Variants in SHANK2 observed in about 807,000 individuals in gnomAD.
The protein encoded by SHANK2 is SH3 and multiple ankyrin repeat domains 2.
SHANK2 carries 43 observed loss-of-function variants against 133.7 expected under a neutral mutation model. The observed-to-expected ratio is 0.32, with a 90% CI of 0.25 to 0.41. SHANK2 has a LOEUF of 0.41. SHANK2 is among the 10% of genes least tolerant of loss of function. The probability of loss-of-function intolerance (pLI) is 1.00; values close to 1 mark genes in which losing one functional copy is unlikely to be tolerated. For missense variants in SHANK2, 1,994 were observed against 2,235.8 expected (o/e 0.89, Z 2.18); for synonymous variants, 1,017 against 952.8 (o/e 1.07, Z -1.24).
intron 2 of SHANK2, among the ~76,000 whole-genome samples, chr11:71,219,769 G>A (rs1321556593): frequency 6.6e-6 from 1 of 151,156 alleles, no homozygotes; most frequent in Non-Finnish European, 1.5e-5. Flanking sequence ...ATGGTGGTGG[G>A]TGCCTGTAAT....
chr11:70,934,855 A>C (rs934813970), intron 10 of SHANK2, among the ~76,000 whole-genome samples: 1 of 152,152 alleles, frequency 6.6e-6, no homozygotes, highest in Non-Finnish European at 1.5e-5. Context: ...TCCTGTCCCC[A>C]GGTTTTCAAT....
At chr11:71,233,377 C>T (rs1954775857) in intron 1 of SHANK2, among the ~76,000 whole-genome samples, 2 of 152,154 alleles carry the variant, frequency 1.3e-5, no homozygotes, top group South Asian at 4.1e-4. Flanking sequence ...CAAAGGATCC[C>T]ATTTTGCACG....
chr11:70,613,499 G>A (rs565948015), intron 17 of SHANK2, among the ~76,000 whole-genome samples: 45 of 151,968 alleles, frequency 3.0e-4, no homozygotes, highest in East Asian at 9.8e-4. Flanking sequence ...CGCCGCACCC[G>A]GCCATGTTTT....
At chr11:71,106,992 G>A (rs1951811628) in intron 6 of SHANK2, among the ~76,000 whole-genome samples, 1 of 152,148 alleles carries the variant, frequency 6.6e-6, no homozygotes, top group Non-Finnish European at 1.5e-5. Flanking sequence ...CCACATGCCT[G>A]TAGTCCCAGT....
At chr11:70,664,026 T>G (rs997357810) in intron 15 of SHANK2, among the ~76,000 whole-genome samples, 2 of 152,162 alleles carry the variant, frequency 1.3e-5, no homozygotes, top group Non-Finnish European at 2.9e-5. Context: ...CCGCTGTCCC[T>G]GTGACGGCTG....
At chr11:70,867,079 C>T (rs1949374262) in intron 11 of SHANK2, among the ~76,000 whole-genome samples, 1 of 149,670 alleles carries the variant, frequency 6.7e-6, no homozygotes, top group Non-Finnish European at 1.5e-5. Flanking sequence ...AACAGGACCT[C>T]GTAGCCCAGA....
At chr11:70,811,574 T>A (rs374896391) in intron 12 of SHANK2, among the ~76,000 whole-genome samples, 1 of 151,852 alleles carries the variant, frequency 6.6e-6, no homozygotes, top group East Asian at 1.9e-4. Flanking sequence ...CATCCATCCA[T>A]CCATCTACCC....
Position 70,485,796 on chromosome 11 carries a change from G to T in SHANK2, c.4497C>A (p.Ser1499Arg), listed in dbSNP as rs369008990. 2 of 1,613,870 alleles carry T rather than the reference G, an allele frequency of 1.2e-6. No homozygotes were observed. The highest frequency in any genetic ancestry group is 1.7e-6 in the Non-Finnish European group (2 of 1,180,038). ...TGGTCGTCTCGAGGTGGTGGTCGCTGCTACTCCGGCTGTCCACCTCCTCGA... is the reference window on the plus strand; with the variant it reads ...TGGTCGTCTCGAGGTGGTGGTCGCTTCTACTCCGGCTGTCCACCTCCTCGA... Reference protein sequence around the residue: ...SGIEEVDSRSSSDHHLETTST... With the variant: ...SGIEEVDSRSRSDHHLETTST... The change falls in exon 25 of 26, where the codon AGC (serine) becomes AGA (arginine). Residue 1499 changes from serine (S) to arginine (R), a missense_variant. Coordinates refer to ENST00000601538, the MANE Select transcript of SHANK2 (RefSeq NM_012309.5). This position sits in a 1 kb window ranked among gnomAD's most constrained non-coding sequence, Gnocchi z 5.8.
intron 10 of SHANK2, among the ~76,000 whole-genome samples, chr11:70,913,220 T>G (rs1329037980): frequency 1.3e-5 from 2 of 152,074 alleles, no homozygotes; most frequent in African/African-American, 4.8e-5. Flanking sequence ...AAGAAGAAAC[T>G]TATTATATAA....
At chr11:71,176,176 A>G (rs561883285) in intron 2 of SHANK2, among the ~76,000 whole-genome samples, 2 of 152,192 alleles carry the variant, frequency 1.3e-5, no homozygotes, top group African/African-American at 2.4e-5. Flanking sequence ...GAACACTGCC[A>G]TCATCCCGCC....
At chr11:71,186,783 T>C (rs1248862616) in intron 2 of SHANK2, among the ~76,000 whole-genome samples, 1 of 152,176 alleles carries the variant, frequency 6.6e-6, no homozygotes, top group African/African-American at 2.4e-5. Flanking sequence ...ATAGGAGACA[T>C]CTAACTAGAA....
At chr11:71,214,944 C>T (rs578101335) in intron 2 of SHANK2, among the ~76,000 whole-genome samples, 3 of 152,302 alleles carry the variant, frequency 2.0e-5, no homozygotes, top group Non-Finnish European at 4.4e-5. Context: ...ATCCTCCTCT[C>T]GGCAGGGAGG....
intron 14 of SHANK2, among the ~76,000 whole-genome samples, chr11:70,709,325 C>G (rs2134569456): frequency 6.6e-6 from 1 of 152,372 alleles, no homozygotes; most frequent in East Asian, 1.9e-4. Flanking sequence ...CCTGAACACA[C>G]ATGAACACGG....
At chr11:70,504,908 G>A (rs1370666728) in intron 17 of SHANK2, among the ~76,000 whole-genome samples, 1 of 152,126 alleles carries the variant, frequency 6.6e-6, no homozygotes, top group Non-Finnish European at 1.5e-5. Context: ...GCACACCCGG[G>A]TAGTGGCTGT....
At chr11:70,727,346 C>T (rs1350603408) in intron 14 of SHANK2, among the ~76,000 whole-genome samples, 1 of 152,202 alleles carries the variant, frequency 6.6e-6, no homozygotes, top group Non-Finnish European at 1.5e-5. Flanking sequence ...CACATATGAA[C>T]TGCTATATTT....
intron 14 of SHANK2, 125 bp from the exon 15 acceptor site, chr11:70,698,888 G>A: frequency 1.4e-6 from 1 of 702,684 alleles, no homozygotes; most frequent in East Asian, 2.7e-5. Context: ...ACTGTCCTGG[G>A]GAAGAGTCTG....
At chr11:70,908,561 C>T (rs782491694) in intron 10 of SHANK2, among the ~76,000 whole-genome samples, 8 of 152,186 alleles carry the variant, frequency 5.3e-5, no homozygotes, top group Non-Finnish European at 1.0e-4. Flanking sequence ...TTCTGGGTGA[C>T]CTTCTGGTTG....
At chr11:70,553,548 C>T (rs2059795300) in intron 17 of SHANK2, among the ~76,000 whole-genome samples, 1 of 152,178 alleles carries the variant, frequency 6.6e-6, no homozygotes, top group African/African-American at 2.4e-5. Context: ...GGTCCCAGCT[C>T]CTGTCCTGAC....
chr11:70,714,072 G>C (rs915086501), intron 14 of SHANK2, among the ~76,000 whole-genome samples: 12 of 152,228 alleles, frequency 7.9e-5, no homozygotes, highest in Non-Finnish European at 1.5e-4. Flanking sequence ...CCCTCCAGGA[G>C]TGCCTAGGTC....
Sources: gnomAD v4.1 joint callset for allele counts (sites outside exome capture counted in the v4.1 genomes callset) on GRCh38, gnomAD v4.1.1 for gene constraint, Gnocchi (gnomAD v3.1) non-coding constraint, MANE v1.5 for transcripts, NCBI Gene and HGNC (gene_info 2026-07-23, HGNC 2026-07-21) for gene names.